Variants in LRMDA observed in about 807,000 individuals in gnomAD.
LRMDA encodes leucine-rich melanocyte differentiation-associated protein.
Under a neutral mutation model 29.8 loss-of-function variants are expected in LRMDA, and 18 were observed. That is an observed-to-expected ratio of 0.60 (90% CI 0.42 to 0.90). The LOEUF (loss-of-function observed/expected upper bound fraction) is 0.90, where lower values mean the gene tolerates loss of function less well. Ranked by LOEUF, LRMDA falls within the 40% of genes least tolerant of loss-of-function variation. The probability of loss-of-function intolerance (pLI) is 0.00; values close to 1 mark genes in which losing one functional copy is unlikely to be tolerated. For synonymous variants in LRMDA, 125 were observed against 109.4 expected (o/e 1.14, Z -0.89); for missense variants, 273 against 273.9 (o/e 1.00, Z 0.02).
intron 2 of LRMDA, among the ~76,000 whole-genome samples, chr10:75,537,300 C>A (rs977536495): frequency 6.6e-6 from 1 of 152,156 alleles, no homozygotes; most frequent in Admixed American, 6.5e-5. Flanking sequence ...TCTGGCTCAG[C>A]CCCTGAGAAT....
chr10:75,650,308 G>A (rs1436939760), intron 2 of LRMDA, among the ~76,000 whole-genome samples: 1 of 152,100 alleles, frequency 6.6e-6, no homozygotes, highest in Non-Finnish European at 1.5e-5. Flanking sequence ...ATAGTGTTAG[G>A]TAAGGGTCCA....
intron 2 of LRMDA, among the ~76,000 whole-genome samples, chr10:75,883,824 T>A (rs1221688620): frequency 2.0e-5 from 3 of 151,216 alleles, no homozygotes; most frequent in Non-Finnish European, 4.4e-5. Context: ...TCTGCTTGCA[T>A]GTACAATGAA....
rs181515417 is a variant in LRMDA, at chr10:75,648,107, T to A, written c.131+209613T>A. On this transcript the variant is annotated intron_variant, in intron 2 of 6. Transcript: ENST00000611255. ...CTGATGTTCATACTGTGATACTTTGTTTTTCTCATAACTGTTATATCAGGA... is the reference window on the plus strand; with the variant it reads ...CTGATGTTCATACTGTGATACTTTGATTTTCTCATAACTGTTATATCAGGA... Among the ~76,000 whole-genome samples the A allele has an allele frequency of 1.8e-3, 273 of 152,358 alleles. 1 individual carries two copies. The highest frequency in any genetic ancestry group is 0.017 in the Middle Eastern group (5 of 294).
At chr10:76,423,427 G>A (rs1842090341) in intron 6 of LRMDA, among the ~76,000 whole-genome samples, 1 of 151,932 alleles carries the variant, frequency 6.6e-6, no homozygotes, top group South Asian at 2.1e-4. Flanking sequence ...AAATAAAGCT[G>A]CTTATTAGTT....
intron 6 of LRMDA, among the ~76,000 whole-genome samples, chr10:76,355,247 A>G (rs1254978440): frequency 6.6e-6 from 1 of 152,180 alleles, no homozygotes; most frequent in African/African-American, 2.4e-5. Flanking sequence ...AGTGCAACAG[A>G]GAGTCAGAAA....
At chr10:76,504,407 G>A (rs1050498346) in intron 6 of LRMDA, among the ~76,000 whole-genome samples, 1 of 151,902 alleles carries the variant, frequency 6.6e-6, no homozygotes, top group African/African-American at 2.4e-5. Flanking sequence ...TCAATGATAT[G>A]TCAGTAAAGT....
chr10:75,660,348 T>C (rs1841735729), intron 2 of LRMDA, among the ~76,000 whole-genome samples: 1 of 152,144 alleles, frequency 6.6e-6, no homozygotes, highest in South Asian at 2.1e-4. Context: ...GAATGAAACT[T>C]GCGAATTAGA....
intron 5 of LRMDA, among the ~76,000 whole-genome samples, chr10:76,146,785 A>G (rs1850331133): frequency 6.6e-6 from 1 of 152,080 alleles, no homozygotes; most frequent in African/African-American, 2.4e-5. Context: ...TAGCCTTGAT[A>G]GTCTTTACAA....
Position 75,431,645 on chromosome 10 carries a change from C to A in LRMDA, c.-80C>A. On this transcript the variant is annotated 5_prime_UTR_variant, in exon 1 of 7. Transcript: ENST00000611255. Reference sequence around the variant, plus strand: ...GCCCAGTGCGGAACTGTGCGCCCGCCGCGCTCCCCTGCCGCGCTCCCCGCT... The same window carrying A: ...GCCCAGTGCGGAACTGTGCGCCCGCAGCGCTCCCCTGCCGCGCTCCCCGCT... 8.5e-7 allele frequency: 1 copy of A among 1,175,836 alleles called. No homozygotes were observed. Among genetic ancestry groups the A allele is most frequent in the Non-Finnish European group, 1.1e-6 (1 of 947,262 alleles). 72.8% of individuals were successfully genotyped at this position (1,175,836 alleles called of 1,614,324 possible). A position where few individuals can be genotyped will look rare whatever the true frequency, so the allele number is the denominator to read the frequency against.
chr10:76,050,525 GTTA>G (rs1478359599), intron 4 of LRMDA, among the ~76,000 whole-genome samples: 1 of 152,202 alleles, frequency 6.6e-6, no homozygotes, highest in East Asian at 1.9e-4. Flanking sequence ...CCATGGCCCT[GTTA>G]TTATAGGAGC....
At chr10:76,266,769 T>A (rs1840010908) in intron 5 of LRMDA, among the ~76,000 whole-genome samples, 1 of 152,206 alleles carries the variant, frequency 6.6e-6, no homozygotes, top group Non-Finnish European at 1.5e-5. Flanking sequence ...TTTTGATGAG[T>A]TTTGAGAAAT....
chr10:75,481,231 G>T (rs1589155815), intron 2 of LRMDA, among the ~76,000 whole-genome samples: 1 of 152,112 alleles, frequency 6.6e-6, no homozygotes, highest in South Asian at 2.1e-4. Flanking sequence ...GCAGTTTAGC[G>T]TGAGAAGAGA....
At chr10:75,687,989 GAA>G (rs200319614) in intron 2 of LRMDA, among the ~76,000 whole-genome samples, 1 of 152,082 alleles carries the variant, frequency 6.6e-6, no homozygotes, top group African/African-American at 2.4e-5. Context: ...CTACTGCTCA[GAA>G]AAAAAGATTT....
At chr10:75,840,480 C>A (rs115442333) in intron 2 of LRMDA, among the ~76,000 whole-genome samples, 10 of 152,318 alleles carry the variant, frequency 6.6e-5, no homozygotes, top group African/African-American at 2.4e-4. Flanking sequence ...CTGCTTAAAT[C>A]CTCATGGTCT....
intron 6 of LRMDA, among the ~76,000 whole-genome samples, chr10:76,463,917 A>ATTTTTTTTTTT (rs763472626): frequency 0.052 from 5,894 of 112,298 alleles, 421 homozygotes; most frequent in East Asian, 0.15. Context: ...TGCAAAATAA[A>ATTTTTTTTTTT]TTTTTTTTTT....
chr10:76,188,945 C>T (rs892552373), intron 5 of LRMDA, among the ~76,000 whole-genome samples: 1 of 111,440 alleles, frequency 9.0e-6, no homozygotes, highest in African/African-American at 4.8e-5. Flanking sequence ...TACACACACA[C>T]ACACACACAC....
At chr10:75,539,511 C>T (rs139456365) in intron 2 of LRMDA, among the ~76,000 whole-genome samples, 159 of 152,282 alleles carry the variant, frequency 1.0e-3, no homozygotes, top group Non-Finnish European at 1.8e-3. Context: ...TTCCTTTGCA[C>T]ATTATAAGCC....
intron 2 of LRMDA, among the ~76,000 whole-genome samples, chr10:75,471,303 CT>C (rs71024546): frequency 0.1 from 15,336 of 146,622 alleles, 924 homozygotes; most frequent in East Asian, 0.22. Flanking sequence ...AAAAGCTTAC[CT>C]TTTTTTTTTT....
At chr10:75,844,601 C>T (rs1844600604) in intron 2 of LRMDA, among the ~76,000 whole-genome samples, 1 of 152,158 alleles carries the variant, frequency 6.6e-6, no homozygotes, top group Non-Finnish European at 1.5e-5. Flanking sequence ...ACTTGTGGCA[C>T]TTTTTGCCTA....
Sources: allele counts gnomAD v4.1 joint callset (sites outside exome capture counted in the v4.1 genomes callset), GRCh38; gene constraint gnomAD v4.1.1; transcripts MANE v1.5; gene names NCBI Gene and HGNC (gene_info 2026-07-23, HGNC 2026-07-21).